Variants in PRH1 observed in about 807,000 individuals in gnomAD.
The protein encoded by PRH1 is salivary acidic proline-rich phosphoprotein 1/2.
A neutral mutation model predicts 7.9 loss-of-function variants in PRH1; 7 were observed. The observed-to-expected ratio is 0.89, with a 90% CI of 0.50 to 1.67. The LOEUF is 1.67. Ranked by LOEUF, PRH1 falls within the 40% of genes most tolerant of loss-of-function variation. The probability of loss-of-function intolerance (pLI) is 0.00; values close to 1 mark genes in which losing one functional copy is unlikely to be tolerated. For missense variants in PRH1, 109 were observed against 223.6 expected, an observed-to-expected ratio of 0.49 and a Z score of 3.27; for synonymous variants, 45 against 80.8, an observed-to-expected ratio of 0.56 and a Z score of 2.38.
At chr12:11,164,109 A>T (rs1947499999) in intron 1 of PRH1, among the ~76,000 whole-genome samples, 1 of 152,206 alleles carries the variant, frequency 6.6e-6, no homozygotes, top group Non-Finnish European at 1.5e-5. Flanking sequence ...ACTGGGTTAA[A>T]GAATACCCGT....
At chr12:11,145,843 T>C (rs1946845050) in intron 1 of PRH1, among the ~76,000 whole-genome samples, 1 of 152,206 alleles carries the variant, frequency 6.6e-6, no homozygotes, top group African/African-American at 2.4e-5. Context: ...CAAATGTGTA[T>C]TCTGCTATAA....
chr12:11,015,723 T>C (rs1272633656), intron 1 of PRH1, among the ~76,000 whole-genome samples: 1 of 152,152 alleles, frequency 6.6e-6, no homozygotes, highest in Non-Finnish European at 1.5e-5. Context: ...AGGTATGTAG[T>C]ACAGTGGCAA....
At chr12:10,938,471 GAC>G in intron 2 of PRH1, 1 of 1,614,014 alleles carries the variant, frequency 6.2e-7, no homozygotes, top group Non-Finnish European at 8.5e-7. Context: ...TATGAAAAAA[GAC>G]AGAGAGAAAA....
At chr12:10,998,013 A>G in intron 1 of PRH1, 2 of 594,900 alleles carry the variant, frequency 3.4e-6, no homozygotes, top group Non-Finnish European at 5.6e-6. Flanking sequence ...AAATTCTGTG[A>G]ACAATGTCAA....
chr12:11,040,540 G>C (rs974073146), intron 1 of PRH1, among the ~76,000 whole-genome samples: 6 of 152,146 alleles, frequency 3.9e-5, no homozygotes, highest in African/African-American at 1.2e-4. Flanking sequence ...ACAGGGAGGG[G>C]AACATCACAC....
At chr12:10,986,547 A>G (rs948450438) in intron 1 of PRH1, 12 of 1,614,000 alleles carry the variant, frequency 7.4e-6, no homozygotes, top group Non-Finnish European at 1.0e-5. Context: ...GAGCAAATAA[A>G]ATATGCTGAG....
intron 1 of PRH1, among the ~76,000 whole-genome samples, chr12:11,046,213 T>A (rs1193492017): frequency 6.6e-6 from 1 of 152,168 alleles, no homozygotes; most frequent in Admixed American, 6.5e-5. Context: ...GGTAATGGAA[T>A]GTAGTTTAGG....
At chr12:11,142,293 T>G (rs1312618371) in intron 1 of PRH1, among the ~76,000 whole-genome samples, 2 of 152,212 alleles carry the variant, frequency 1.3e-5, no homozygotes, top group Non-Finnish European at 2.9e-5. Context: ...ATATATTCAG[T>G]GCAATCCCTA....
intron 1 of PRH1, among the ~76,000 whole-genome samples, chr12:11,103,306 T>C (rs1215796134): frequency 1.3e-5 from 2 of 152,196 alleles, no homozygotes; most frequent in South Asian, 4.2e-4. Context: ...CCATCAATGA[T>C]AGACTGGATA....
At chr12:11,102,998 T>C (rs1254022811) in intron 1 of PRH1, among the ~76,000 whole-genome samples, 1 of 152,096 alleles carries the variant, frequency 6.6e-6, no homozygotes, top group African/African-American at 2.4e-5. Context: ...TGAGATACTA[T>C]CTCACACCAG....
intron 1 of PRH1, among the ~76,000 whole-genome samples, chr12:11,169,476 GGCT>G (rs1321088131): frequency 6.6e-6 from 1 of 152,140 alleles, no homozygotes; most frequent in African/African-American, 2.4e-5. Flanking sequence ...ATCAGTGGGT[GGCT>G]GCTATTTTCC....
chr12:11,056,724 A>G (rs1943375188), intron 1 of PRH1, among the ~76,000 whole-genome samples: 1 of 152,156 alleles, frequency 6.6e-6, no homozygotes, highest in South Asian at 2.1e-4. Flanking sequence ...TGGCTGCAGC[A>G]AAAGAATCAT....
intron 1 of PRH1, among the ~76,000 whole-genome samples, chr12:10,983,134 G>C (rs1939438974): frequency 6.6e-6 from 1 of 152,174 alleles, no homozygotes; most frequent in African/African-American, 2.4e-5. Flanking sequence ...ATAGGACTCT[G>C]TGCATGCCTC....
At chr12:10,908,594 G>C in intron 2 of PRH1, 1 of 1,613,960 alleles carries the variant, frequency 6.2e-7, no homozygotes, top group South Asian at 1.1e-5. Flanking sequence ...AAAGGAATGA[G>C]ATCACAATTT....
chr12:11,143,139 C>A (rs1258023923), intron 1 of PRH1, among the ~76,000 whole-genome samples: 1 of 151,976 alleles, frequency 6.6e-6, no homozygotes. Flanking sequence ...GTTCCCGCAA[C>A]CTTTGAAGAT....
intron 2 of PRH1, among the ~76,000 whole-genome samples, chr12:10,954,553 T>C (rs1408745885): frequency 1.3e-5 from 2 of 152,188 alleles, no homozygotes; most frequent in Non-Finnish European, 2.9e-5. Context: ...CCACAACCTC[T>C]ACCTCCTGGT....
At chr12:10,909,385 G>T in intron 2 of PRH1, 1 of 898,302 alleles carries the variant, frequency 1.1e-6, no homozygotes, top group Non-Finnish European at 1.7e-6. Flanking sequence ...GTGTCCAGTG[G>T]AGTTCTTCTT....
upstream of PRH1, chr12:11,049,108 C>A: frequency 2.5e-6 from 1 of 407,946 alleles, no homozygotes; most frequent in Admixed American, 3.5e-5. Flanking sequence ...ACCACCAGAG[C>A]AGTGAGAAAT....
chr12:11,091,115 C>CACACACACACATATATATATATAT (rs751016037), intron 1 of PRH1, among the ~76,000 whole-genome samples: 4 of 25,126 alleles, frequency 1.6e-4, no homozygotes, highest in Non-Finnish European at 4.6e-4. Context: ...CACACACACA[C>CACACACACACATATATATATATAT]ATATATATAT....
Sources: allele counts gnomAD v4.1 joint callset (sites outside exome capture counted in the v4.1 genomes callset), GRCh38; gene constraint gnomAD v4.1.1; transcripts MANE v1.5; gene names NCBI Gene and HGNC (gene_info 2026-07-23, HGNC 2026-07-21).